Variants in TRIM55 observed in about 807,000 individuals in gnomAD.
TRIM55 encodes the protein tripartite motif containing 55.
A neutral mutation model predicts 60.9 loss-of-function variants in TRIM55; 50 were observed. The ratio of observed to expected loss-of-function variants is 0.82; its 90% confidence interval spans 0.65 to 1.04. The LOEUF (loss-of-function observed/expected upper bound fraction) is 1.04. TRIM55 is among the 50% of genes least tolerant of loss of function. The pLI, the probability that TRIM55 is intolerant of heterozygous loss-of-function variation, is 0.00. For synonymous variants in TRIM55, 237 were observed against 238.1 expected (o/e 1.00, Z 0.04); for missense variants, 681 against 666.9 (o/e 1.02, Z -0.23).
chr8:66,166,191 T>C (rs1439061301), intron 9 of TRIM55, among the ~76,000 whole-genome samples: 1 of 152,190 alleles, frequency 6.6e-6, no homozygotes, highest in Non-Finnish European at 1.5e-5. Context: ...AATGTCACTT[T>C]AATAGGAAGC....
chr8:66,130,287 G>C (rs1809061836), intron 2 of TRIM55, among the ~76,000 whole-genome samples: 1 of 152,222 alleles, frequency 6.6e-6, no homozygotes, highest in Non-Finnish European at 1.5e-5. Flanking sequence ...GCTCATAGTT[G>C]AGTGAACTAG....
chr8:66,150,583 T>C (rs1248794419), intron 7 of TRIM55, 117 bp downstream of exon 7: 2 of 1,180,102 alleles, frequency 1.7e-6, no homozygotes, highest in Admixed American at 2.0e-5. Flanking sequence ...TCGACAACTT[T>C]ACAAGGATCA....
At chr8:66,114,529 T>G in the TRIM55 span, 1 of 456,286 alleles carries the variant, frequency 2.2e-6, no homozygotes, top group South Asian at 1.5e-5. Flanking sequence ...TCAGAATCCT[T>G]TATGATTTGT....
chr8:66,172,175 C>A (rs561197747), intron 9 of TRIM55, among the ~76,000 whole-genome samples: 20 of 152,196 alleles, frequency 1.3e-4, no homozygotes, highest in African/African-American at 4.6e-4. Context: ...CTTACGACAA[C>A]CTTGTAAGGT....
At chr8:66,153,123 G>A (rs751628723) in intron 8 of TRIM55, among the ~76,000 whole-genome samples, 1 of 151,978 alleles carries the variant, frequency 6.6e-6, no homozygotes, top group African/African-American at 2.4e-5. Flanking sequence ...ATAATTGAGG[G>A]GGTAAATAGA....
At chr8:66,135,239 C>T (rs894308776) in intron 3 of TRIM55, 84 bp downstream of exon 3, 1 of 1,492,116 alleles carries the variant, frequency 6.7e-7, no homozygotes, top group Non-Finnish European at 9.3e-7. Context: ...GAGTGGCTCC[C>T]TGCGGTGGAG....
the TRIM55 span, chr8:66,113,488 C>A: frequency 2.2e-6 from 1 of 455,574 alleles, no homozygotes; most frequent in South Asian, 1.6e-5. Context: ...CTCCAGCTCC[C>A]GATGACTTAT....
At chr8:66,160,981 C>T (rs1174329451) in intron 9 of TRIM55, among the ~76,000 whole-genome samples, 1 of 151,754 alleles carries the variant, frequency 6.6e-6, no homozygotes, top group Non-Finnish European at 1.5e-5. Context: ...TGTCTATTAA[C>T]TCTGCTGATA....
intron 7 of TRIM55, among the ~76,000 whole-genome samples, chr8:66,151,398 G>A (rs994372396): frequency 3.9e-5 from 6 of 152,180 alleles, no homozygotes. Flanking sequence ...AGCCCACCTA[G>A]ATGATCACAC....
chr8:66,129,630 C>T (rs1025205037), intron 2 of TRIM55, among the ~76,000 whole-genome samples: 1 of 152,174 alleles, frequency 6.6e-6, no homozygotes, highest in Non-Finnish European at 1.5e-5. Flanking sequence ...TTGACAAGAA[C>T]AAAAGTACTA....
At chr8:66,131,653 GTCC>G (rs1809166077) in intron 2 of TRIM55, among the ~76,000 whole-genome samples, 1 of 152,092 alleles carries the variant, frequency 6.6e-6, no homozygotes, top group Admixed American at 6.5e-5. Context: ...CATGCACAAA[GTCC>G]TCCTCTTTTC....
chr8:66,119,990 G>GGGTGTGA, the TRIM55 span, among the ~76,000 whole-genome samples: 1 of 152,152 alleles, frequency 6.6e-6, no homozygotes, highest in Non-Finnish European at 1.5e-5. Flanking sequence ...CATGGGTGTG[G>GGGTGTGA]TGCAGCTTAG....
chr8:66,122,379 C>T (rs1441766191), upstream of TRIM55, among the ~76,000 whole-genome samples: 2 of 152,144 alleles, frequency 1.3e-5, no homozygotes, highest in African/African-American at 2.4e-5. Context: ...GCCTTTGCTT[C>T]GAGCTGTCCC....
intron 9 of TRIM55, among the ~76,000 whole-genome samples, chr8:66,164,779 C>A (rs1180755778): frequency 6.6e-6 from 1 of 152,142 alleles, no homozygotes; most frequent in African/African-American, 2.4e-5. Context: ...GGAAAACCAG[C>A]CTGCAGTCCT....
chr8:66,127,346 T>C lies in TRIM55; in HGVS notation c.78T>C (p.Cys26=). The part of the protein sequence containing the change: ...TMDNLEKQLI[C]PICLEMFTKP... Reference sequence around the variant, plus strand: ...ATAACTTAGAGAAGCAACTCATCTGTCCCATCTGCTTAGAGATGTTCACGA... The same window carrying C: ...ATAACTTAGAGAAGCAACTCATCTGCCCCATCTGCTTAGAGATGTTCACGA... The change falls in exon 1 of 10, where the codon TGT becomes TGC. Residue 26 remains cysteine (C), a synonymous_variant. Transcript: ENST00000315962. 6.2e-7 allele frequency: 1 copy of C among 1,614,186 alleles called. No homozygotes were observed. Among genetic ancestry groups the C allele is most frequent in the Non-Finnish European group, 8.5e-7 (1 of 1,180,024 alleles).
intron 9 of TRIM55, among the ~76,000 whole-genome samples, chr8:66,170,871 C>T (rs1032818792): frequency 4.6e-5 from 7 of 152,192 alleles, no homozygotes; most frequent in Admixed American, 6.5e-5. Flanking sequence ...ACATTATTCA[C>T]AATAGCCAAG....
rs766167777 is a variant in TRIM55 at position 66,152,407 on chromosome 8, GAGAAGGAGAAAA to G, written c.1027_1038del (p.Lys343_Glu346del). ...GAAGATGAAGAAGAAGAAGAAGGCG[GAGAAGGAGAAAA>G]AGAAGGAGAAGGAGAAGTGGGAGGA... is the stretch of plus-strand genomic sequence containing the variant. On this transcript the variant is annotated inframe_deletion, in exon 8 of 10. Coordinates refer to ENST00000315962, the MANE Select transcript of TRIM55 (RefSeq NM_184085.2). 1.9e-6 allele frequency: 3 copies of G among 1,605,896 alleles called. No homozygotes were observed. Among genetic ancestry groups the G allele is most frequent in the African/African-American group, 1.3e-5 (1 of 74,916 alleles).
At chr8:66,144,715 T>G (rs1018593201) in intron 4 of TRIM55, among the ~76,000 whole-genome samples, 1 of 152,232 alleles carries the variant, frequency 6.6e-6, no homozygotes, top group African/African-American at 2.4e-5. Flanking sequence ...CGAATTGGTC[T>G]TAAAGATACA....
chr8:66,133,238 C>T (rs963526037), intron 2 of TRIM55, among the ~76,000 whole-genome samples: 2 of 152,194 alleles, frequency 1.3e-5, no homozygotes, highest in Non-Finnish European at 2.9e-5. Flanking sequence ...CCCATATTTG[C>T]CATGCCTTCT....
Sources: allele counts gnomAD v4.1 joint callset (sites outside exome capture counted in the v4.1 genomes callset), GRCh38; gene constraint gnomAD v4.1.1; transcripts MANE v1.5; gene names NCBI Gene and HGNC (gene_info 2026-07-23, HGNC 2026-07-21).